The following NAA11 variants were observed in gnomAD, a reference collection of about 807,000 sequenced individuals.
The protein encoded by NAA11 is N-alpha-acetyltransferase 11.
Under a neutral mutation model 16.1 loss-of-function variants are expected in NAA11, and 15 were observed. The ratio of observed to expected loss-of-function variants is 0.93; its 90% CI spans 0.62 to 1.44. The LOEUF is 1.44. Ranked by LOEUF, NAA11 falls within the 40% of genes most tolerant of loss-of-function variation. The pLI is 0.00. For synonymous variants in NAA11, 122 were observed against 112.4 expected (o/e 1.09, Z -0.54); for missense variants, 298 against 291.3 (o/e 1.02, Z -0.17).
the NAA11 span, among the ~76,000 whole-genome samples, chr4:79,208,925 CA>C: frequency 0.054 from 2,894 of 54,012 alleles, 60 homozygotes; most frequent in African/African-American, 0.14. Flanking sequence ...ATATAACTGC[CA>C]AAAAAAAAAA....
chr4:79,202,647 A>ATATATATATATATATATATATATCTATC, the NAA11 span, among the ~76,000 whole-genome samples: 1 of 126,626 alleles, frequency 7.9e-6, no homozygotes, highest in East Asian at 2.6e-4. Flanking sequence ...ATATATATAT[A>ATATATATATATATATATATATATCTATC]TATCTGTGTA....
intron 2 of NAA11, chr4:79,226,280 CAGAA>C (rs1721310073): frequency 6.6e-6 from 1 of 151,946 alleles, no homozygotes; most frequent in South Asian, 2.1e-4. Flanking sequence ...TCTACAGAAG[CAGAA>C]AGAGAGAGAG....
intron 2 of NAA11, among the ~76,000 whole-genome samples, chr4:79,254,471 G>A (rs950208180): frequency 6.6e-6 from 1 of 152,068 alleles, no homozygotes; most frequent in African/African-American, 2.4e-5. Flanking sequence ...GTATAACATA[G>A]CAATTATTAT....
At chr4:79,292,487 T>G (rs567435462) in intron 2 of NAA11, among the ~76,000 whole-genome samples, 2 of 152,228 alleles carry the variant, frequency 1.3e-5, no homozygotes, top group Non-Finnish European at 2.9e-5. Flanking sequence ...AGGACCAATC[T>G]GATTAAATCT....
the NAA11 span, among the ~76,000 whole-genome samples, chr4:79,159,820 T>A: frequency 6.6e-6 from 1 of 152,292 alleles, no homozygotes; most frequent in African/African-American, 2.4e-5. Flanking sequence ...CTTTCGTGAC[T>A]GACTCTTTTC....
At chr4:79,204,958 T>C in the NAA11 span, among the ~76,000 whole-genome samples, 1 of 47,482 alleles carries the variant, frequency 2.1e-5, no homozygotes, top group African/African-American at 5.0e-5. Context: ...CACACACACA[T>C]TATTCCATGG....
chr4:79,285,876 A>G (rs1013276087), intron 2 of NAA11, among the ~76,000 whole-genome samples: 3 of 152,074 alleles, frequency 2.0e-5, no homozygotes, highest in Non-Finnish European at 4.4e-5. Context: ...ATGATACTGC[A>G]TGCATCCTTA....
chr4:79,211,361 CA>C, the NAA11 span, among the ~76,000 whole-genome samples: 1 of 151,748 alleles, frequency 6.6e-6, no homozygotes, highest in African/African-American at 2.4e-5. Context: ...TTTTTTTTCA[CA>C]GTAGTTATTC....
chr4:79,268,240 A>G (rs1415126033), intron 2 of NAA11, among the ~76,000 whole-genome samples: 1 of 152,174 alleles, frequency 6.6e-6, no homozygotes, highest in Non-Finnish European at 1.5e-5. Flanking sequence ...GGCCTTACAT[A>G]TCAATAGAAT....
Position 79,309,579 on chromosome 4 carries a change from T to G in NAA11, c.*13-15465A>C, listed in dbSNP as rs112250196. 3.9e-5 allele frequency among the ~76,000 whole-genome samples: 6 copies of G among 152,310 alleles called. 1 individual carries two copies. Among genetic ancestry groups the G allele is most frequent in the African/African-American group, 1.4e-4 (6 of 41,572 alleles). On this transcript the variant is annotated intron_variant and NMD_transcript_variant, in intron 1 of 2. Coordinates refer to the NAA11 transcript ENST00000511542. ...AGGATATGTTAGGAAGATATTTGTT[T>G]TTTTAGAATTGAAAACAGGGTATGG...
chr4:79,304,798 G>A (rs952646720), intron 1 of NAA11, among the ~76,000 whole-genome samples: 1 of 152,112 alleles, frequency 6.6e-6, no homozygotes, highest in African/African-American at 2.4e-5. Flanking sequence ...CAGGCAGACT[G>A]TAAGAGTGAT....
chr4:79,223,103 T>C (rs1306095652), downstream of NAA11, among the ~76,000 whole-genome samples: 809 of 150,378 alleles, frequency 5.4e-3, 8 homozygotes, highest in African/African-American at 0.018. Flanking sequence ...CTCAGGGATC[T>C]AGAACTGGAA....
In NAA11 at chr4:79,325,869, G is replaced by A; in HGVS notation, c.9C>T (p.Ile3=). Residue 3 remains isoleucine, a synonymous_variant, in exon 1 of 2, where the codon ATC becomes ATT. Transcript: ENST00000286794. ...TCAGGTCGTCTGGCTGAGCGTTGCG[G>A]ATGTTCATAATGGCAGAGGGTAGGG... MN[I]RNAQPDDLMN... is the part of the protein sequence containing the mutation. The A allele has an allele frequency of 1.2e-6, 2 of 1,608,180 alleles. No individual in the cohort carries two copies. The highest frequency in any genetic ancestry group is 2.2e-5 in the East Asian group (1 of 44,852).
At chr4:79,312,680 G>C (rs1723812769), downstream of NAA11, among the ~76,000 whole-genome samples, 1 of 149,640 alleles carries the variant, frequency 6.7e-6, no homozygotes, top group Non-Finnish European at 1.5e-5. Context: ...AAAGAGTTGG[G>C]GTCTTGCTTA....
At chr4:79,187,014 G>T in the NAA11 span, among the ~76,000 whole-genome samples, 1 of 152,106 alleles carries the variant, frequency 6.6e-6, no homozygotes, top group Admixed American at 6.5e-5. Context: ...CTTAGGTAAG[G>T]TTGAGTGCAT....
chr4:79,297,748 G>T (rs1043735688), intron 1 of NAA11, among the ~76,000 whole-genome samples: 14 of 152,200 alleles, frequency 9.2e-5, no homozygotes, highest in African/African-American at 3.4e-4. Flanking sequence ...CTCGGCGCTG[G>T]CCTGCAGGTG....
intron 2 of NAA11, among the ~76,000 whole-genome samples, chr4:79,240,969 G>A (rs1345369574): frequency 1.3e-5 from 2 of 152,126 alleles, no homozygotes; most frequent in East Asian, 1.9e-4. Flanking sequence ...GTAAAGAATC[G>A]TCAACCAGCT....
At chr4:79,237,641 T>G (rs1404180543) in intron 2 of NAA11, among the ~76,000 whole-genome samples, 1 of 152,196 alleles carries the variant, frequency 6.6e-6, no homozygotes, top group African/African-American at 2.4e-5. Flanking sequence ...TACTTGCTTG[T>G]TAAACTAAAT....
At chr4:79,194,020 C>G in the NAA11 span, among the ~76,000 whole-genome samples, 1 of 152,026 alleles carries the variant, frequency 6.6e-6, no homozygotes, top group African/African-American at 2.4e-5. Flanking sequence ...TGATTTGGCT[C>G]TCTGTCTGTT....
Sources: allele counts gnomAD v4.1 joint callset (sites outside exome capture counted in the v4.1 genomes callset), GRCh38; gene constraint gnomAD v4.1.1; transcripts MANE v1.5; gene names NCBI Gene and HGNC (gene_info 2026-07-23, HGNC 2026-07-21).